DBT: variants seen among roughly 807,000 people sequenced by gnomAD.
DBT encodes the protein lipoamide acyltransferase component of branched-chain alpha-keto acid dehydrogenase complex, mitochondrial.
DBT carries 40 observed loss-of-function variants against 51.3 expected under a neutral mutation model. The ratio of observed to expected loss-of-function variants is 0.78; its 90% CI spans 0.61 to 1.02. The LOEUF is 1.02. DBT is among the 50% of genes least tolerant of loss of function. The probability of loss-of-function intolerance (pLI) is 0.00; values close to 1 mark genes in which losing one functional copy is unlikely to be tolerated. For missense variants in DBT, 510 were observed against 580.2 expected, an observed-to-expected ratio of 0.88 and a Z score of 1.24; for synonymous variants, 181 against 190.4, an observed-to-expected ratio of 0.95 and a Z score of 0.41.
intron 2 of DBT, 148 bp from the exon 3 acceptor site, chr1:100,235,659 G>A (rs908625996): frequency 2.5e-5 from 14 of 563,102 alleles, no homozygotes; most frequent in African/African-American, 2.5e-4. Context: ...TAATTTTTAA[G>A]AGCATAACCA....
intron 6 of DBT, 132 bp from the exon 7 acceptor site, chr1:100,215,115 C>A: frequency 1.5e-6 from 1 of 677,332 alleles, no homozygotes; most frequent in South Asian, 1.8e-5. Context: ...CTTCCTCTTA[C>A]TACTCTCTTC....
At chr1:100,219,652 G>A (rs1054208963) in intron 4 of DBT, among the ~76,000 whole-genome samples, 5 of 151,216 alleles carry the variant, frequency 3.3e-5, no homozygotes, top group Non-Finnish European at 4.5e-5. Flanking sequence ...GGAAGCTGAG[G>A]CGGGGAGAAT....
rs1291794978 is a variant in DBT, at chr1:100,187,587, G to A, written c.*8668C>T. 1 of 152,194 alleles carries A rather than the reference G, an allele frequency of 6.6e-6. No individual in the cohort carries two copies. Among genetic ancestry groups the A allele is most frequent in the Non-Finnish European group, 1.5e-5 (1 of 68,064 alleles). 9.4% of individuals were successfully genotyped at this position (152,194 alleles called of 1,614,324 possible). On this transcript the variant is annotated 3_prime_UTR_variant, in exon 11 of 11. Transcript: ENST00000370132. Reference sequence around the variant, plus strand: ...CTGTCACCCAGGCTGGAGTGCAGTGGTGCAATCACAGCTCACTGCAGCTTC... The same window carrying A: ...CTGTCACCCAGGCTGGAGTGCAGTGATGCAATCACAGCTCACTGCAGCTTC...
chr1:100,221,286 G>GTAA (rs1662843883), intron 4 of DBT, among the ~76,000 whole-genome samples: 1 of 151,980 alleles, frequency 6.6e-6, no homozygotes, highest in Admixed American at 6.6e-5. Flanking sequence ...ACTTAACCAA[G>GTAA]TAATAAAATA....
At chr1:100,217,026 C>G (rs1259458034) in intron 5 of DBT, among the ~76,000 whole-genome samples, 1 of 152,022 alleles carries the variant, frequency 6.6e-6, no homozygotes, top group Non-Finnish European at 1.5e-5. Context: ...AAAATTTAAA[C>G]AAATAATTTT....
chr1:100,242,682 C>T (rs1410429201), intron 1 of DBT, among the ~76,000 whole-genome samples: 1 of 152,198 alleles, frequency 6.6e-6, no homozygotes, highest in African/African-American at 2.4e-5. Context: ...CTTTCTCCTT[C>T]AGCTCCCATA....
In DBT at chr1:100,192,667, C is replaced by T. The variant is rs1660865566; in HGVS notation, c.*3588G>A. The T allele has an allele frequency of 6.6e-6, 1 of 152,196 alleles. No individual in the cohort carries two copies. Among genetic ancestry groups the T allele is most frequent in the Admixed American group, 6.5e-5 (1 of 15,284 alleles). 9.4% of individuals were successfully genotyped at this position (152,196 alleles called of 1,614,324 possible). On this transcript the variant is annotated 3_prime_UTR_variant, in exon 11 of 11. Transcript: ENST00000370132. ...ACTCTTTCTACATAATCACTTCTTACATAGGTTTCAACATAAGGTACATTT... is the reference window on the plus strand; with the variant it reads ...ACTCTTTCTACATAATCACTTCTTATATAGGTTTCAACATAAGGTACATTT...
chr1:100,207,665 A>T (rs536700615), intron 8 of DBT, among the ~76,000 whole-genome samples: 6 of 151,968 alleles, frequency 3.9e-5, no homozygotes, highest in Non-Finnish European at 5.9e-5. Flanking sequence ...CTACAAAAAA[A>T]TTTTTTTTAA....
intron 2 of DBT, among the ~76,000 whole-genome samples, chr1:100,237,250 T>C (rs1005283353): frequency 6.6e-6 from 1 of 152,102 alleles, no homozygotes; most frequent in African/African-American, 2.4e-5. Flanking sequence ...AGTTGCCCCA[T>C]CGGAAACCCA....
At chr1:100,235,763 G>T (rs1312556356) in intron 2 of DBT, among the ~76,000 whole-genome samples, 1 of 152,058 alleles carries the variant, frequency 6.6e-6, no homozygotes, top group Non-Finnish European at 1.5e-5. Context: ...TTCCAAAATG[G>T]TCTGTTATAA....
chr1:100,211,026 A>G lies in DBT; in HGVS notation c.940-255T>C. 4 of 756,702 alleles carry G rather than the reference A, an allele frequency of 5.3e-6. No individual in the cohort carries two copies. In the Admixed American group the frequency reaches 8.1e-5, roughly 15 times the overall value. The allele number at this position is 756,702 out of a possible 1,614,324, so 46.9% of individuals were successfully genotyped here. On this transcript the variant is annotated intron_variant, in intron 7 of 10. Coordinates refer to ENST00000370132, the MANE Select transcript of DBT (RefSeq NM_001918.5). ...TGTAAACATCAAGGAGATTTTCAAA[A>G]TAATGATACAGACCAGCCAAAGTTC...
chr1:100,198,799 C>A (rs1192051959), intron 10 of DBT, among the ~76,000 whole-genome samples: 2 of 152,066 alleles, frequency 1.3e-5, no homozygotes, highest in African/African-American at 4.8e-5. Flanking sequence ...GACTTAGATG[C>A]TAATTTACTA....
rs1022956221 is a variant in DBT, at chr1:100,191,378, A to C, written c.*4877T>G. 5 of 152,244 alleles carry C rather than the reference A, an allele frequency of 3.3e-5. No individual in the cohort carries two copies. Among genetic ancestry groups the C allele is most frequent in the African/African-American group, 1.2e-4 (5 of 41,460 alleles). 9.4% of individuals were successfully genotyped at this position (152,244 alleles called of 1,614,324 possible). On this transcript the variant is annotated 3_prime_UTR_variant, in exon 11 of 11. Transcript: ENST00000370132. ...ATTGTAACAAACAGCTTCACAGTTT[A>C]ATAGTATCTTATGTATTTGCCTTCC...
At position 100,194,035 on chromosome 1, in the gene DBT, TA is replaced by T. The variant is rs1660939008; in HGVS notation, c.*2219del. On this transcript the variant is annotated 3_prime_UTR_variant, in exon 11 of 11. Coordinates refer to ENST00000370132, the MANE Select transcript of DBT (RefSeq NM_001918.5). ...ATGATCATGTTTTAACAAAAAAGAA[TA>T]GCCATACATACAGATAGATACATCA... is the stretch of plus-strand genomic sequence containing the variant. The T allele has an allele frequency of 6.6e-6, 1 of 152,226 alleles. No individual in the cohort carries two copies. The highest frequency in any genetic ancestry group is 1.5e-5 in the Non-Finnish European group (1 of 68,030). 9.4% of individuals were successfully genotyped at this position (152,226 alleles called of 1,614,324 possible). A position where few individuals can be genotyped will look rare whatever the true frequency, so the allele number is the denominator to read the frequency against.
chr1:100,216,778 A>T (rs1374037848), intron 5 of DBT, among the ~76,000 whole-genome samples: 1 of 152,172 alleles, frequency 6.6e-6, no homozygotes, highest in African/African-American at 2.4e-5. Context: ...CATAATACAA[A>T]AGCTCTCTCA....
At chr1:100,246,421 T>G (rs1664545342) in intron 1 of DBT, among the ~76,000 whole-genome samples, 2 of 152,166 alleles carry the variant, frequency 1.3e-5, no homozygotes, top group South Asian at 4.1e-4. Context: ...GTACTGGACT[T>G]GGAAATGCAA....
chr1:100,246,606 G>A (rs897581026), intron 1 of DBT, among the ~76,000 whole-genome samples: 8 of 151,990 alleles, frequency 5.3e-5, no homozygotes, highest in African/African-American at 1.9e-4. Flanking sequence ...ATTTACTACG[G>A]GGGTAAGAAC....
chr1:100,226,449 A>AT lies in DBT; in HGVS notation c.433+4283dup, dbSNP rs997884585. Among the ~76,000 whole-genome samples, 20 of 150,586 alleles carry AT rather than the reference A, an allele frequency of 1.3e-4. No individual in the cohort carries two copies. The East Asian group carries it at 1.8e-3, about 13-fold the overall frequency. On this transcript the variant is annotated intron_variant, in intron 4 of 10. Coordinates refer to ENST00000370132, the MANE Select transcript of DBT (RefSeq NM_001918.5). ...CAGGTGCACGCCACCACACCTGGCTATTTTTTTTTATTTTTTGTAGAGATG... is the reference window on the plus strand; with the variant it reads ...CAGGTGCACGCCACCACACCTGGCTATTTTTTTTTTATTTTTTGTAGAGATG...
intron 3 of DBT, among the ~76,000 whole-genome samples, chr1:100,232,558 T>A (rs994230491): frequency 6.6e-6 from 1 of 152,214 alleles, no homozygotes; most frequent in African/African-American, 2.4e-5. Flanking sequence ...ATGTGCTTTA[T>A]GATGTTTAAA....
Sources: gnomAD v4.1 joint callset for allele counts (sites outside exome capture counted in the v4.1 genomes callset) on GRCh38, gnomAD v4.1.1 for gene constraint, MANE v1.5 for transcripts, NCBI Gene and HGNC (gene_info 2026-07-23, HGNC 2026-07-21) for gene names.